The following CACNA2D3 variants were observed in gnomAD, a reference collection of about 807,000 sequenced individuals.
CACNA2D3 encodes voltage-dependent calcium channel subunit alpha-2/delta-3.
Under a neutral mutation model 160.6 loss-of-function variants are expected in CACNA2D3, and 60 were observed. The observed-to-expected ratio is 0.37, with a 90% CI of 0.30 to 0.46. The LOEUF (loss-of-function observed/expected upper bound fraction) is 0.46. Among genes scored for constraint, CACNA2D3 ranks in the 20% least tolerant of loss-of-function variants. The probability of loss-of-function intolerance (pLI) is 1.00; values close to 1 mark genes in which losing one functional copy is unlikely to be tolerated. For synonymous variants in CACNA2D3, 558 were observed against 492.9 expected, an observed-to-expected ratio of 1.13 and a Z score of -1.75; for missense variants, 1,205 against 1,365.0, an observed-to-expected ratio of 0.88 and a Z score of 1.85.
intron 13 of CACNA2D3, among the ~76,000 whole-genome samples, chr3:54,804,205 A>G (rs1703060403): frequency 2.0e-5 from 3 of 152,028 alleles, no homozygotes; most frequent in Admixed American, 2.0e-4. Flanking sequence ...ACACATAACA[A>G]TATTAACTTT....
intron 13 of CACNA2D3, among the ~76,000 whole-genome samples, chr3:54,793,930 A>G (rs535336689): frequency 1.8e-4 from 28 of 151,866 alleles, no homozygotes; most frequent in Non-Finnish European, 3.8e-4. Flanking sequence ...TAGATTTTTT[A>G]TTTCTTAATA....
In CACNA2D3 at chr3:54,918,345, T is replaced by C. The variant is rs1415317837; in HGVS notation, c.2449+18477T>C. Reference sequence around the variant, plus strand: ...TCTTTTTTTTTTCTTTTTTTTTTTTTTTTTTTTTTTGTCTTTTGGCAAAAG... The same window carrying C: ...TCTTTTTTTTTTCTTTTTTTTTTTTCTTTTTTTTTTGTCTTTTGGCAAAAG... On this transcript the variant is annotated intron_variant, in intron 27 of 37. Transcript: ENST00000474759. The C allele has an allele frequency of 3.1e-5, 12 of 386,902 alleles. 1 individual carries two copies. Among genetic ancestry groups the C allele is most frequent in the Admixed American group, 8.8e-5 (2 of 22,648 alleles). The allele number at this position is 386,902 out of a possible 1,614,324, so 24.0% of individuals were successfully genotyped here.
intron 4 of CACNA2D3, among the ~76,000 whole-genome samples, chr3:54,387,520 C>T (rs528440626): frequency 3.3e-5 from 5 of 152,252 alleles, no homozygotes; most frequent in Admixed American, 1.3e-4. Flanking sequence ...GGCGTGGTAG[C>T]GCACGCCTGT....
intron 3 of CACNA2D3, among the ~76,000 whole-genome samples, chr3:54,343,190 C>T (rs150773280): frequency 1.6e-4 from 24 of 151,706 alleles, no homozygotes; most frequent in East Asian, 1.4e-3. Flanking sequence ...TGTTTAAAGC[C>T]CCCCCCTCCC....
chr3:55,003,859 T>A (rs181537948), intron 31 of CACNA2D3, among the ~76,000 whole-genome samples: 25 of 152,224 alleles, frequency 1.6e-4, no homozygotes, highest in Admixed American at 1.3e-3. Flanking sequence ...GGCTTTTAGA[T>A]AGATAAGGGA....
chr3:54,802,235 G>C (rs1166536133), intron 13 of CACNA2D3, among the ~76,000 whole-genome samples: 4 of 152,114 alleles, frequency 2.6e-5, no homozygotes, highest in Non-Finnish European at 5.9e-5. Context: ...CATTTAAAGA[G>C]CTAGAGAAGG....
At chr3:54,354,641 A>G (rs1339778043) in intron 3 of CACNA2D3, among the ~76,000 whole-genome samples, 1 of 152,190 alleles carries the variant, frequency 6.6e-6, no homozygotes, top group African/African-American at 2.4e-5. Flanking sequence ...GCCAAAAGGA[A>G]AAAGAAAAAC....
At chr3:55,030,863 C>G (rs2107176065) in intron 35 of CACNA2D3, among the ~76,000 whole-genome samples, 1 of 152,192 alleles carries the variant, frequency 6.6e-6, no homozygotes, top group East Asian at 1.9e-4. Flanking sequence ...GGTTTTAGTA[C>G]AGGAAATGTT....
chr3:54,433,108 ACT>A (rs1700012545), intron 4 of CACNA2D3, among the ~76,000 whole-genome samples: 1 of 152,132 alleles, frequency 6.6e-6, no homozygotes, highest in Non-Finnish European at 1.5e-5. Flanking sequence ...TAATAAAATG[ACT>A]CTGTTGAGCT....
chr3:54,296,811 G>A (rs192194146), intron 2 of CACNA2D3, among the ~76,000 whole-genome samples: 218 of 152,264 alleles, frequency 1.4e-3, no homozygotes, highest in African/African-American at 4.6e-3. Flanking sequence ...TGTGTTGTGG[G>A]GAAAAAGGAG....
intron 11 of CACNA2D3, among the ~76,000 whole-genome samples, chr3:54,654,082 C>T (rs1292928163): frequency 1.3e-5 from 2 of 152,078 alleles, no homozygotes; most frequent in South Asian, 2.1e-4. Context: ...GCCACTGAGC[C>T]CACAGCAATG....
chr3:54,344,958 G>T (rs1019332761), intron 3 of CACNA2D3, among the ~76,000 whole-genome samples: 3 of 152,166 alleles, frequency 2.0e-5, no homozygotes, highest in African/African-American at 7.2e-5. Context: ...AGTGACCTCT[G>T]GTCGTCCTCA....
At chr3:54,286,998 G>A (rs1480029266) in intron 2 of CACNA2D3, among the ~76,000 whole-genome samples, 5 of 152,116 alleles carry the variant, frequency 3.3e-5, no homozygotes, top group Admixed American at 2.6e-4. Flanking sequence ...GACCATCAAG[G>A]CTAGGAAGAA....
At chr3:54,481,943 T>C (rs2106901396) in intron 4 of CACNA2D3, among the ~76,000 whole-genome samples, 1 of 152,356 alleles carries the variant, frequency 6.6e-6, no homozygotes, top group African/African-American at 2.4e-5. Context: ...CAATGACTTC[T>C]TCCTTTTGAA....
At chr3:54,496,588 G>A (rs765469851) in intron 4 of CACNA2D3, among the ~76,000 whole-genome samples, 2 of 152,076 alleles carry the variant, frequency 1.3e-5, no homozygotes, top group Non-Finnish European at 2.9e-5. Flanking sequence ...TTCCTGAACC[G>A]TGGCTTTCAT....
chr3:54,367,367 A>G (rs1698844195), intron 3 of CACNA2D3, among the ~76,000 whole-genome samples: 1 of 152,222 alleles, frequency 6.6e-6, no homozygotes, highest in African/African-American at 2.4e-5. Flanking sequence ...TCCTCTGGCC[A>G]TCGGCACTTA....
intron 2 of CACNA2D3, among the ~76,000 whole-genome samples, chr3:54,285,558 T>C (rs1008594871): frequency 6.6e-5 from 10 of 152,330 alleles, no homozygotes; most frequent in African/African-American, 2.2e-4. Flanking sequence ...TAAATGTCCC[T>C]GTCTGACAGC....
rs367994920 is a variant in CACNA2D3 at position 54,579,482 on chromosome 3, C to A, written c.889-2321C>A. Reference sequence around the variant, plus strand: ...GAGTTTTCCCTTAATGGCAGGAAAACGTTTCATTGAAACTGCCCATCAAAC... The same window carrying A: ...GAGTTTTCCCTTAATGGCAGGAAAAAGTTTCATTGAAACTGCCCATCAAAC... On this transcript the variant is annotated intron_variant, in intron 8 of 37. Coordinates refer to ENST00000474759, the MANE Select transcript of CACNA2D3 (RefSeq NM_018398.3). Among the ~76,000 whole-genome samples the A allele has an allele frequency of 3.6e-3, 551 of 152,268 alleles. 3 individuals are homozygous for A. The highest frequency in any genetic ancestry group is 0.017 in the South Asian group (82 of 4,826).
intron 9 of CACNA2D3, among the ~76,000 whole-genome samples, chr3:54,622,693 C>T (rs1699015628): frequency 6.6e-6 from 1 of 152,128 alleles, no homozygotes; most frequent in Non-Finnish European, 1.5e-5. Context: ...CTTACAACGA[C>T]CACAACTGGG....
Sources: gnomAD v4.1 joint callset for allele counts (sites outside exome capture counted in the v4.1 genomes callset) on GRCh38, gnomAD v4.1.1 for gene constraint, MANE v1.5 for transcripts, NCBI Gene and HGNC (gene_info 2026-07-23, HGNC 2026-07-21) for gene names.